The following CNTNAP5 variants were observed in gnomAD, a reference collection of about 807,000 sequenced individuals.
The protein encoded by CNTNAP5 is contactin-associated protein-like 5.
CNTNAP5 carries 72 observed loss-of-function variants against 150.2 expected under a neutral mutation model. That is an observed-to-expected ratio of 0.48 (90% confidence interval 0.40 to 0.58). CNTNAP5 has a LOEUF of 0.58. CNTNAP5 is among the 20% of genes least tolerant of loss of function. The pLI is 0.00. For missense variants in CNTNAP5, 1,636 were observed against 1,626.2 expected (o/e 1.01, Z -0.10); for synonymous variants, 672 against 619.8 (o/e 1.08, Z -1.25).
chr2:124,401,681 T>TA (rs1691429087), intron 3 of CNTNAP5, among the ~76,000 whole-genome samples: 1 of 152,258 alleles, frequency 6.6e-6, no homozygotes, highest in Non-Finnish European at 1.5e-5. Context: ...TATTTGTACT[T>TA]ACGTTATTGA....
Position 124,694,039 on chromosome 2 carries a change from A to G in CNTNAP5, c.2077+46081A>G, listed in dbSNP as rs79891385. On this transcript the variant is annotated intron_variant, in intron 13 of 23. Coordinates refer to ENST00000682447, the MANE Select transcript of CNTNAP5 (RefSeq NM_001367498.1). ...CGTATAAACAACTGTGTACACACTT[A>G]TGGGCTCATTCTGTTTTGTCTGAGT... Among the ~76,000 whole-genome samples, 179 of 152,168 alleles carry G rather than the reference A, an allele frequency of 1.2e-3. 3 individuals are homozygous for G. The East Asian group carries it at 0.021, about 18-fold the overall frequency.
chr2:124,050,335 G>A (rs1429241234), intron 1 of CNTNAP5, among the ~76,000 whole-genome samples: 1 of 151,948 alleles, frequency 6.6e-6, no homozygotes, highest in African/African-American at 2.4e-5. Context: ...GTGGTGGTAC[G>A]TGCCTGTAGT....
At chr2:124,181,298 G>T (rs150501415) in intron 1 of CNTNAP5, among the ~76,000 whole-genome samples, 1 of 152,012 alleles carries the variant, frequency 6.6e-6, no homozygotes, top group Non-Finnish European at 1.5e-5. Flanking sequence ...TTTTGTGTTC[G>T]TAAGAGTGAT....
chr2:124,112,409 T>G (rs745492170), intron 1 of CNTNAP5, among the ~76,000 whole-genome samples: 1 of 152,196 alleles, frequency 6.6e-6, no homozygotes, highest in Non-Finnish European at 1.5e-5. Context: ...GAAAGGTCCA[T>G]GCTTGCTGAG....
chr2:124,260,442 A>T (rs771634299), intron 3 of CNTNAP5, among the ~76,000 whole-genome samples: 6 of 152,236 alleles, frequency 3.9e-5, no homozygotes, highest in Non-Finnish European at 8.8e-5. Context: ...AATACCATTC[A>T]GGACATAGGA....
intron 8 of CNTNAP5, among the ~76,000 whole-genome samples, chr2:124,511,390 T>A: frequency 6.6e-6 from 1 of 152,144 alleles, no homozygotes; most frequent in African/African-American, 2.4e-5. Context: ...AGCTTAAGTT[T>A]TTGTTTGTTT....
chr2:124,751,010 TG>T (rs1680715464), intron 14 of CNTNAP5, among the ~76,000 whole-genome samples: 1 of 143,712 alleles, frequency 7.0e-6, no homozygotes, highest in Non-Finnish European at 1.5e-5. Context: ...AAAAAAGTAG[TG>T]GCAAAAACTG....
At chr2:124,109,888 T>G (rs562644767) in intron 1 of CNTNAP5, among the ~76,000 whole-genome samples, 3 of 152,210 alleles carry the variant, frequency 2.0e-5, no homozygotes, top group Non-Finnish European at 4.4e-5. Flanking sequence ...TTATCTTACA[T>G]TGAGCTCCTC....
chr2:124,365,865 C>T (rs1472176676), intron 3 of CNTNAP5, among the ~76,000 whole-genome samples: 3 of 152,048 alleles, frequency 2.0e-5, no homozygotes, highest in Non-Finnish European at 4.4e-5. Flanking sequence ...TCATCTTTAC[C>T]AGGAGCTCTT....
intron 4 of CNTNAP5, among the ~76,000 whole-genome samples, chr2:124,429,022 A>G (rs919195670): frequency 6.6e-6 from 1 of 152,208 alleles, no homozygotes; most frequent in African/African-American, 2.4e-5. Flanking sequence ...ACACAAATAA[A>G]GATTTTGATT....
At chr2:124,172,710 G>A (rs991331400) in intron 1 of CNTNAP5, among the ~76,000 whole-genome samples, 11 of 152,008 alleles carry the variant, frequency 7.2e-5, no homozygotes, top group African/African-American at 9.7e-5. Flanking sequence ...CATGGCACCC[G>A]GCAGTATCAT....
chr2:124,578,341 A>AT (rs1696340779), intron 11 of CNTNAP5, among the ~76,000 whole-genome samples: 1 of 151,512 alleles, frequency 6.6e-6, no homozygotes, highest in Non-Finnish European at 1.5e-5. Context: ...AAAAAAAAAA[A>AT]AAAAAAAGAT....
At chr2:124,794,505 T>A (rs949839283) in intron 18 of CNTNAP5, among the ~76,000 whole-genome samples, 46 of 152,238 alleles carry the variant, frequency 3.0e-4, no homozygotes, top group African/African-American at 1.1e-3. Flanking sequence ...TAAACACATA[T>A]ATTGATTATT....
intron 1 of CNTNAP5, among the ~76,000 whole-genome samples, chr2:124,045,236 T>C (rs965312815): frequency 3.3e-4 from 50 of 151,996 alleles, no homozygotes; most frequent in African/African-American, 1.2e-3. Flanking sequence ...GTCTTCCACA[T>C]TGGCCTTCAT....
intron 3 of CNTNAP5, among the ~76,000 whole-genome samples, chr2:124,396,154 T>A (rs1387938167): frequency 2.0e-5 from 3 of 152,178 alleles, no homozygotes; most frequent in African/African-American, 4.8e-5. Context: ...GCTAAGGAAC[T>A]CCATATGCCT....
chr2:124,274,423 T>C (rs780036), intron 3 of CNTNAP5, among the ~76,000 whole-genome samples: 149,512 of 152,256 alleles, frequency 0.98, 73,467 homozygotes, highest in East Asian at 1. Flanking sequence ...ATATTGTCAC[T>C]GGTAAACTGA....
At chr2:124,193,123 C>T (rs1228141184) in intron 1 of CNTNAP5, among the ~76,000 whole-genome samples, 1 of 151,910 alleles carries the variant, frequency 6.6e-6, no homozygotes, top group Non-Finnish European at 1.5e-5. Flanking sequence ...TCTATGTGTC[C>T]AAATTTCTCT....
chr2:124,708,829 G>A (rs1442397113), intron 13 of CNTNAP5, among the ~76,000 whole-genome samples: 1 of 152,172 alleles, frequency 6.6e-6, no homozygotes, highest in Non-Finnish European at 1.5e-5. Flanking sequence ...GTTGATAACT[G>A]TGGTGAATCA....
In CNTNAP5 at chr2:124,140,199, A is replaced by G. The variant is rs1167734111; in HGVS notation, c.83-81506A>G. Among the ~76,000 whole-genome samples, 50 of 149,560 alleles carry G rather than the reference A, an allele frequency of 3.3e-4. No individual in the cohort carries two copies. The South Asian group carries it at 4.1e-3, about 12-fold the overall frequency. ...TCTGAGATCAAACTGCAAGGCGGCAACGAGGCTGGGGGAGGGGCGCCCGCC... is the reference window on the plus strand; with the variant it reads ...TCTGAGATCAAACTGCAAGGCGGCAGCGAGGCTGGGGGAGGGGCGCCCGCC... On this transcript the variant is annotated intron_variant, in intron 1 of 23. Coordinates refer to ENST00000682447, the MANE Select transcript of CNTNAP5 (RefSeq NM_001367498.1).
Sources: gnomAD v4.1 joint callset for allele counts (sites outside exome capture counted in the v4.1 genomes callset) on GRCh38, gnomAD v4.1.1 for gene constraint, MANE v1.5 for transcripts, NCBI Gene and HGNC (gene_info 2026-07-23, HGNC 2026-07-21) for gene names.